FSTL5: variants seen among roughly 807,000 people sequenced by gnomAD.
FSTL5 encodes the protein follistatin-related protein 5.
Under a neutral mutation model 89.1 loss-of-function variants are expected in FSTL5, and 62 were observed. The ratio of observed to expected loss-of-function variants is 0.70; its 90% CI spans 0.57 to 0.86. FSTL5 has a LOEUF of 0.86. FSTL5 is among the 40% of genes least tolerant of loss of function. The pLI, the probability that FSTL5 is intolerant of heterozygous loss-of-function variation, is 0.00. For missense variants in FSTL5, 1,057 were observed against 1,001.6 expected, an observed-to-expected ratio of 1.06 and a Z score of -0.75; for synonymous variants, 383 against 346.2, an observed-to-expected ratio of 1.11 and a Z score of -1.18.
intron 4 of FSTL5, among the ~76,000 whole-genome samples, chr4:161,851,208 C>G (rs1731538481): frequency 6.6e-6 from 1 of 152,130 alleles, no homozygotes; most frequent in Non-Finnish European, 1.5e-5. Flanking sequence ...TAGCTAATAC[C>G]TAATCAGAGC....
intron 3 of FSTL5, among the ~76,000 whole-genome samples, chr4:162,027,514 C>A (rs1737341379): frequency 6.6e-6 from 1 of 151,948 alleles, no homozygotes; most frequent in African/African-American, 2.4e-5. Context: ...CAACGTTTTA[C>A]TATTTTTATT....
intron 2 of FSTL5, among the ~76,000 whole-genome samples, chr4:162,092,582 T>A (rs562276050): frequency 6.6e-6 from 1 of 152,126 alleles, no homozygotes; most frequent in African/African-American, 2.4e-5. Flanking sequence ...ATCCTTTTCC[T>A]AAAGTTTGAT....
intron 3 of FSTL5, among the ~76,000 whole-genome samples, chr4:161,994,427 T>C (rs1312600071): frequency 6.6e-6 from 1 of 152,218 alleles, no homozygotes; most frequent in African/African-American, 2.4e-5. Context: ...CGAATGGCAG[T>C]TCTGCTGTTA....
chr4:161,919,542 AT>A (rs1733934566), intron 4 of FSTL5, among the ~76,000 whole-genome samples: 1 of 152,216 alleles, frequency 6.6e-6, no homozygotes, highest in Admixed American at 6.5e-5. Context: ...GAGTAAAAAT[AT>A]TAAACAGGTT....
At position 161,786,446 on chromosome 4, in the gene FSTL5, G is replaced by A. The variant is rs77536253; in HGVS notation, c.410-10372C>T. Among the ~76,000 whole-genome samples, 732 of 152,164 alleles carry A rather than the reference G, an allele frequency of 4.8e-3. 4 individuals carry two copies. The highest frequency in any genetic ancestry group is 0.017 in the African/African-American group (697 of 41,572). Reference sequence around the variant, plus strand: ...AGGTTATCCCAACTATTTGTTAACTGTGATTACTTCTTTTAAGCACAGTCA... The same window carrying A: ...AGGTTATCCCAACTATTTGTTAACTATGATTACTTCTTTTAAGCACAGTCA... On this transcript the variant is annotated intron_variant, in intron 4 of 15. Coordinates refer to ENST00000306100, the MANE Select transcript of FSTL5 (RefSeq NM_020116.5).
intron 4 of FSTL5, among the ~76,000 whole-genome samples, chr4:161,880,011 T>C (rs1016437535): frequency 2.6e-5 from 4 of 152,190 alleles, no homozygotes; most frequent in Non-Finnish European, 5.9e-5. Context: ...ATCATGTCAG[T>C]AGACATCTTT....
At chr4:162,083,349 C>G (rs949301054) in intron 2 of FSTL5, among the ~76,000 whole-genome samples, 1 of 151,612 alleles carries the variant, frequency 6.6e-6, no homozygotes, top group Non-Finnish European at 1.5e-5. Context: ...ACATGCTATG[C>G]TCTAATTCTC....
At chr4:162,023,589 T>C (rs1737174773) in intron 3 of FSTL5, among the ~76,000 whole-genome samples, 1 of 152,190 alleles carries the variant, frequency 6.6e-6, no homozygotes, top group African/African-American at 2.4e-5. Context: ...AATCCCTAGT[T>C]GCTCTTAGTT....
At chr4:161,732,441 T>C (rs1449120342) in intron 6 of FSTL5, among the ~76,000 whole-genome samples, 1 of 152,026 alleles carries the variant, frequency 6.6e-6, no homozygotes, top group Non-Finnish European at 1.5e-5. Flanking sequence ...TCTCATTCTA[T>C]GGGGGACCTT....
At chr4:161,992,217 G>A (rs561936306) in intron 3 of FSTL5, among the ~76,000 whole-genome samples, 1 of 152,200 alleles carries the variant, frequency 6.6e-6, no homozygotes, top group East Asian at 1.9e-4. Context: ...GACTTTATCT[G>A]AATGGCTCTG....
At chr4:161,427,846 C>T (rs1732217302) in intron 15 of FSTL5, among the ~76,000 whole-genome samples, 2 of 152,134 alleles carry the variant, frequency 1.3e-5, no homozygotes, top group Admixed American at 1.3e-4. Context: ...GAAGCCTTCA[C>T]CAGTTGTCCT....
intron 4 of FSTL5, among the ~76,000 whole-genome samples, chr4:161,827,166 C>T (rs1730694125): frequency 6.6e-6 from 1 of 152,124 alleles, no homozygotes; most frequent in South Asian, 2.1e-4. Context: ...GTGGTGTTCT[C>T]CCCCTTCCCC....
chr4:161,676,264 C>A (rs1350854538), intron 6 of FSTL5, among the ~76,000 whole-genome samples: 1 of 151,958 alleles, frequency 6.6e-6, no homozygotes, highest in East Asian at 1.9e-4. Flanking sequence ...AAATGCCCAT[C>A]AATGATAGAC....
intron 10 of FSTL5, among the ~76,000 whole-genome samples, chr4:161,512,731 T>C (rs1209605494): frequency 1.3e-5 from 2 of 152,098 alleles, no homozygotes; most frequent in Non-Finnish European, 2.9e-5. Flanking sequence ...AGGCACTACA[T>C]AATGAATTTA....
chr4:161,635,429 A>AAATG (rs1414730835), intron 7 of FSTL5, among the ~76,000 whole-genome samples: 1 of 152,096 alleles, frequency 6.6e-6, no homozygotes, highest in African/African-American at 2.4e-5. Context: ...CTGCTATACA[A>AAATG]AATGTCAATT....
intron 7 of FSTL5, among the ~76,000 whole-genome samples, chr4:161,597,985 C>T (rs1233981590): frequency 3.9e-5 from 6 of 152,124 alleles, no homozygotes; most frequent in South Asian, 2.1e-4. Flanking sequence ...GAGTATCTTA[C>T]TCAGTTGAAA....
chr4:162,122,815 C>T (rs1186073629), intron 1 of FSTL5, among the ~76,000 whole-genome samples: 3 of 152,062 alleles, frequency 2.0e-5, no homozygotes, highest in Non-Finnish European at 2.9e-5. Context: ...TGTACGTAAG[C>T]TACACCTAAG....
chr4:161,590,323 G>A (rs1006431796), intron 7 of FSTL5, among the ~76,000 whole-genome samples: 7 of 152,210 alleles, frequency 4.6e-5, no homozygotes, highest in East Asian at 1.9e-4. Flanking sequence ...CAGATCACCC[G>A]AGGTCAAGAG....
intron 1 of FSTL5, among the ~76,000 whole-genome samples, chr4:162,161,366 T>C (rs759473588): frequency 2.0e-5 from 3 of 151,872 alleles, no homozygotes; most frequent in Non-Finnish European, 4.4e-5. Context: ...TTAAGTAGTG[T>C]CCCCTATATG....
Sources: allele counts gnomAD v4.1 joint callset (sites outside exome capture counted in the v4.1 genomes callset), GRCh38; gene constraint gnomAD v4.1.1; transcripts MANE v1.5; gene names NCBI Gene and HGNC (gene_info 2026-07-23, HGNC 2026-07-21).